The following NAV2 variants were observed in gnomAD, a reference collection of about 807,000 sequenced individuals.
The protein encoded by NAV2 is helicase, APC down-regulated 1.
A neutral mutation model predicts 223.2 loss-of-function variants in NAV2; 54 were observed. The ratio of observed to expected loss-of-function variants is 0.24; its 90% CI spans 0.19 to 0.30. The LOEUF is 0.30. NAV2 is among the 10% of genes least tolerant of loss of function. The pLI is 1.00. For missense variants in NAV2, 2,806 were observed against 3,147.5 expected (o/e 0.89, Z 2.60); for synonymous variants, 1,279 against 1,239.3 (o/e 1.03, Z -0.67).
At chr11:19,879,056 A>T (rs769082176) in intron 4 of NAV2, among the ~76,000 whole-genome samples, 1 of 152,136 alleles carries the variant, frequency 6.6e-6, no homozygotes, top group Non-Finnish European at 1.5e-5. Flanking sequence ...CACTCTCAGG[A>T]TCTGCTCAGA....
intron 1 of NAV2, among the ~76,000 whole-genome samples, chr11:19,773,467 G>A (rs1019773187): frequency 6.6e-6 from 1 of 152,186 alleles, no homozygotes; most frequent in African/African-American, 2.4e-5. Context: ...GGATGGGTCA[G>A]AAAGCCATGA....
intron 30 of NAV2, among the ~76,000 whole-genome samples, chr11:20,096,325 G>A (rs1025716652): frequency 6.6e-6 from 1 of 152,134 alleles, no homozygotes; most frequent in African/African-American, 2.4e-5. Context: ...TTTGCCATGG[G>A]ATAAATAACT....
intron 1 of NAV2, among the ~76,000 whole-genome samples, chr11:19,614,147 C>T (rs146404809): frequency 6.6e-6 from 1 of 152,216 alleles, no homozygotes; most frequent in Non-Finnish European, 1.5e-5. Context: ...TAAAACAAGG[C>T]TGGCAGCACA....
chr11:20,028,461 G>A (rs2055330823), intron 11 of NAV2, among the ~76,000 whole-genome samples: 1 of 152,230 alleles, frequency 6.6e-6, no homozygotes, highest in Non-Finnish European at 1.5e-5. Flanking sequence ...TGGTTAAAAT[G>A]CTACATGTTG....
intron 1 of NAV2, among the ~76,000 whole-genome samples, chr11:19,750,104 C>A (rs922038227): frequency 6.6e-6 from 1 of 152,238 alleles, no homozygotes; most frequent in Non-Finnish European, 1.5e-5. Flanking sequence ...CTCTAACGAA[C>A]CTCTTCGCTC....
At chr11:19,661,836 A>G (rs570245456) in intron 1 of NAV2, among the ~76,000 whole-genome samples, 2 of 152,352 alleles carry the variant, frequency 1.3e-5, no homozygotes, top group Middle Eastern at 3.4e-3. Context: ...TTTATCTCAT[A>G]TAATAAGGAA....
At chr11:19,885,558 C>G (rs762351473) in intron 5 of NAV2, among the ~76,000 whole-genome samples, 1 of 152,136 alleles carries the variant, frequency 6.6e-6, no homozygotes, top group Admixed American at 6.5e-5. Flanking sequence ...ATTCCATATT[C>G]TTATTGAGTA....
chr11:19,930,040 C>T (rs761773871), intron 6 of NAV2, among the ~76,000 whole-genome samples: 16 of 152,310 alleles, frequency 1.1e-4, no homozygotes, highest in Non-Finnish European at 2.4e-4. Context: ...AGGTCCATTG[C>T]ACCCTGAGAC....
chr11:19,371,891 C>T (rs564865188), intron 1 of NAV2, among the ~76,000 whole-genome samples: 1 of 151,682 alleles, frequency 6.6e-6, no homozygotes, highest in East Asian at 1.9e-4. Context: ...GATTCTCCTG[C>T]CTCAGCCTCC....
chr11:19,612,924 G>C (rs1290894398), intron 1 of NAV2, among the ~76,000 whole-genome samples: 3 of 152,176 alleles, frequency 2.0e-5, no homozygotes, highest in African/African-American at 2.4e-5. Context: ...AGACATACCT[G>C]AAACTGGGAA....
chr11:20,084,156 G>A (rs995591976), intron 26 of NAV2, among the ~76,000 whole-genome samples: 2 of 152,228 alleles, frequency 1.3e-5, no homozygotes, highest in African/African-American at 4.8e-5. Flanking sequence ...GGAGTGCAGA[G>A]GCATGATCTC....
chr11:19,557,993 A>C (rs1410962367), intron 1 of NAV2, among the ~76,000 whole-genome samples: 1 of 152,128 alleles, frequency 6.6e-6, no homozygotes. Flanking sequence ...CAATCTCTTT[A>C]ATAACTCTGA....
chr11:19,444,358 G>T (rs974013835), intron 1 of NAV2, among the ~76,000 whole-genome samples: 6 of 152,210 alleles, frequency 3.9e-5, no homozygotes, highest in African/African-American at 1.4e-4. Flanking sequence ...GCCCTGCCCA[G>T]CCAGGAACTC....
intron 1 of NAV2, among the ~76,000 whole-genome samples, chr11:19,436,814 G>T (rs1590201372): frequency 6.6e-6 from 1 of 151,762 alleles, no homozygotes; most frequent in East Asian, 1.9e-4. Context: ...TCATTTCCTG[G>T]GTTAAATCTT....
rs2152313130 is a variant in NAV2, at chr11:19,713,140, G to A, written c.-556G>A. Among the ~76,000 whole-genome samples the A allele has an allele frequency of 6.6e-6, 1 of 152,222 alleles. No individual in the cohort carries two copies. The highest frequency in any genetic ancestry group is 2.4e-5 in the African/African-American group (1 of 41,556). On this transcript the variant is annotated 5_prime_UTR_variant, in exon 1 of 38. Transcript: ENST00000349880. This position sits in a 1 kb window ranked among gnomAD's most constrained non-coding sequence, Gnocchi z 7.2. The stretch of plus-strand genomic sequence containing the variant: ...GGTGCTCGCGAGCAGGGTGGCAGCT[G>A]CCTCTCGGTGGAGACGTCTTGGGAC...
chr11:19,354,014 A>G (rs1023721718), intron 1 of NAV2, among the ~76,000 whole-genome samples: 2 of 152,240 alleles, frequency 1.3e-5, no homozygotes, highest in African/African-American at 2.4e-5. Flanking sequence ...GTCACTGGAT[A>G]GAGTTACACT....
At chr11:19,647,681 G>C (rs1373046851) in intron 1 of NAV2, among the ~76,000 whole-genome samples, 1 of 152,096 alleles carries the variant, frequency 6.6e-6, no homozygotes, top group Non-Finnish European at 1.5e-5. Context: ...GTCACCTTTA[G>C]GTTGTGAGCC....
intron 1 of NAV2, among the ~76,000 whole-genome samples, chr11:19,526,144 A>T (rs1011097264): frequency 3.9e-5 from 6 of 152,086 alleles, no homozygotes; most frequent in Non-Finnish European, 7.4e-5. Context: ...TTGTCTTTTT[A>T]AAAAAATCAC....
chr11:19,397,418 T>TGTGTGTGTGTGTGTGTGTGTGC (rs57566081), intron 1 of NAV2, among the ~76,000 whole-genome samples: 7,872 of 144,902 alleles, frequency 0.054, 301 homozygotes, highest in Middle Eastern at 0.076. Flanking sequence ...TGTGTGTGTG[T>TGTGTGTGTGTGTGTGTGTGTGC]GCGCGCATGT....
Sources: gnomAD v4.1 joint callset for allele counts (sites outside exome capture counted in the v4.1 genomes callset) on GRCh38, gnomAD v4.1.1 for gene constraint, Gnocchi (gnomAD v3.1) non-coding constraint, MANE v1.5 for transcripts, NCBI Gene and HGNC (gene_info 2026-07-23, HGNC 2026-07-21) for gene names.